The following CMC1 variants were observed in gnomAD, a reference collection of about 807,000 sequenced individuals.
The protein encoded by CMC1 is COX assembly mitochondrial protein homolog.
In CMC1, 14 loss-of-function variants were observed where a neutral mutation model predicts 14.1. That is an observed-to-expected ratio of 0.99 (90% CI 0.66 to 1.55). CMC1 has a LOEUF of 1.55. CMC1 is among the 40% of genes most tolerant of loss of function. The probability of loss-of-function intolerance (pLI) is 0.00; values close to 1 mark genes in which losing one functional copy is unlikely to be tolerated. For missense variants in CMC1, 127 were observed against 123.8 expected, an observed-to-expected ratio of 1.03 and a Z score of -0.12; for synonymous variants, 50 against 38.4, an observed-to-expected ratio of 1.30 and a Z score of -1.12.
intron 3 of CMC1, chr3:28,317,627 G>A (rs550072831): frequency 3.6e-4 from 54 of 151,994 alleles, no homozygotes; most frequent in African/African-American, 3.6e-4. Context: ...ACTCCAGTTG[G>A]GGGAGCTCTA....
In CMC1 at chr3:28,321,708, A is replaced by C. The variant is rs1703193439; in HGVS notation, c.*2079A>C. ...ACATGATTCAGCTCTTCAAGTCTGAATTTTCCCATTTATTTTGGTTTTCTA... is the reference window on the plus strand; with the variant it reads ...ACATGATTCAGCTCTTCAAGTCTGACTTTTCCCATTTATTTTGGTTTTCTA... On this transcript the variant is annotated 3_prime_UTR_variant, in exon 4 of 4. Transcript: ENST00000466830. 1 of 151,234 alleles carries C rather than the reference A, an allele frequency of 6.6e-6. No homozygotes were observed. The highest frequency in any genetic ancestry group is 2.4e-5 in the African/African-American group (1 of 41,292). The allele number at this position is 151,234 out of a possible 1,614,324, so 9.4% of individuals were successfully genotyped here.
chr3:28,250,833 A>G (rs1469761579), intron 1 of CMC1, among the ~76,000 whole-genome samples: 2 of 152,328 alleles, frequency 1.3e-5, no homozygotes, highest in East Asian at 3.9e-4. Context: ...GATTAAGTAC[A>G]GATATTACCT....
At chr3:28,286,105 A>G (rs1380570236) in intron 2 of CMC1, among the ~76,000 whole-genome samples, 2 of 152,022 alleles carry the variant, frequency 1.3e-5, no homozygotes, top group Non-Finnish European at 2.9e-5. Context: ...CATACATTTT[A>G]TACTTGTATA....
intron 2 of CMC1, among the ~76,000 whole-genome samples, chr3:28,300,579 A>T (rs1032075678): frequency 6.7e-6 from 1 of 148,312 alleles, no homozygotes; most frequent in African/African-American, 2.5e-5. Context: ...CAGCACCCAA[A>T]ATGATTTCTA....
intron 1 of CMC1, among the ~76,000 whole-genome samples, chr3:28,261,007 T>C (rs1352642492): frequency 1.3e-5 from 2 of 152,162 alleles, no homozygotes; most frequent in Non-Finnish European, 2.9e-5. Context: ...ATAGCCAGAT[T>C]GTGGTTTATC....
At chr3:28,242,210 A>C (rs187885753) in intron 1 of CMC1, among the ~76,000 whole-genome samples, 1 of 152,326 alleles carries the variant, frequency 6.6e-6, no homozygotes, top group East Asian at 1.9e-4. Flanking sequence ...ATGGACCCCG[A>C]GTTCATCCTT....
intron 2 of CMC1, among the ~76,000 whole-genome samples, chr3:28,299,227 T>C (rs1559435008): frequency 6.6e-6 from 1 of 152,254 alleles, no homozygotes; most frequent in East Asian, 1.9e-4. Flanking sequence ...TAGAGTAGAA[T>C]AGAAAATCTA....
intron 2 of CMC1, among the ~76,000 whole-genome samples, chr3:28,269,711 G>A (rs1175437724): frequency 6.6e-6 from 1 of 152,030 alleles, no homozygotes; most frequent in East Asian, 1.9e-4. Context: ...GACTACAGGC[G>A]CACGCCATGA....
intron 1 of CMC1, among the ~76,000 whole-genome samples, chr3:28,252,049 AAC>A (rs1224432896): frequency 1.3e-5 from 2 of 152,240 alleles, no homozygotes; most frequent in African/African-American, 4.8e-5. Context: ...TGGCGGTTGT[AAC>A]ACAGTTCTAA....
chr3:28,314,823 AAT>A (rs1702812760), intron 2 of CMC1, among the ~76,000 whole-genome samples: 1 of 152,140 alleles, frequency 6.6e-6, no homozygotes, highest in South Asian at 2.1e-4. Flanking sequence ...GTGGTTTAAA[AAT>A]ATTTTTGTTA....
At chr3:28,294,854 G>A (rs1444494747) in intron 2 of CMC1, among the ~76,000 whole-genome samples, 1 of 151,986 alleles carries the variant, frequency 6.6e-6, no homozygotes, top group African/African-American at 2.4e-5. Flanking sequence ...GACAGGATTC[G>A]GGTTGCCTAT....
chr3:28,319,650 C>A lies in CMC1; in HGVS notation c.*21C>A. On this transcript the variant is annotated 3_prime_UTR_variant, in exon 4 of 4. Transcript: ENST00000466830. ...TGTAGGCAGATACTCAAATGACATT[C>A]AGGAACTCTAATATTCATGGAAGTC... The A allele has an allele frequency of 6.3e-7, 1 of 1,582,568 alleles. No individual in the cohort carries two copies. The highest frequency in any genetic ancestry group is 8.6e-7 in the Non-Finnish European group (1 of 1,167,456).
chr3:28,294,502 A>T, intron 2 of CMC1: 2 of 955,050 alleles, frequency 2.1e-6, no homozygotes, highest in Non-Finnish European at 2.5e-6. Context: ...AACTAAGTGG[A>T]CGAACTTATA....
intron 2 of CMC1, among the ~76,000 whole-genome samples, chr3:28,310,533 A>G (rs905903074): frequency 2.0e-5 from 3 of 152,244 alleles, no homozygotes; most frequent in African/African-American, 7.2e-5. Context: ...TGCTATCATG[A>G]AGACAGGAAT....
intron 2 of CMC1, among the ~76,000 whole-genome samples, chr3:28,269,863 C>T (rs978541905): frequency 1.6e-4 from 24 of 152,202 alleles, no homozygotes; most frequent in Non-Finnish European, 2.2e-4. Context: ...CTACACCTGG[C>T]CAATCCATAC....
intron 2 of CMC1, among the ~76,000 whole-genome samples, chr3:28,312,021 A>G (rs1465986694): frequency 2.0e-5 from 3 of 152,190 alleles, no homozygotes; most frequent in African/African-American, 7.2e-5. Flanking sequence ...ATGATGTATT[A>G]TGAATTTAGG....
intron 2 of CMC1, among the ~76,000 whole-genome samples, chr3:28,280,683 A>G (rs1267559051): frequency 6.6e-6 from 1 of 152,238 alleles, no homozygotes; most frequent in Non-Finnish European, 1.5e-5. Flanking sequence ...AGGATGTTCA[A>G]CATAGCATCA....
At chr3:28,270,920 CT>C (rs71087680) in intron 2 of CMC1, among the ~76,000 whole-genome samples, 13,582 of 83,756 alleles carry the variant, frequency 0.16, 181 homozygotes, top group Non-Finnish European at 0.2. Flanking sequence ...GAGTTAATTT[CT>C]TTTTTTTTTT....
intron 1 of CMC1, among the ~76,000 whole-genome samples, chr3:28,251,296 G>A (rs576972863): frequency 6.6e-6 from 1 of 152,224 alleles, no homozygotes; most frequent in South Asian, 2.1e-4. Context: ...CAACAATCCA[G>A]TCTCTTGGGA....
Sources: gnomAD v4.1 joint callset for allele counts (sites outside exome capture counted in the v4.1 genomes callset) on GRCh38, gnomAD v4.1.1 for gene constraint, MANE v1.5 for transcripts, NCBI Gene and HGNC (gene_info 2026-07-23, HGNC 2026-07-21) for gene names.